The following TMEM209 variants were observed in gnomAD, a reference collection of about 807,000 sequenced individuals.
The protein encoded by TMEM209 is testicular tissue protein Li 202.
TMEM209 carries 65 observed loss-of-function variants against 76.2 expected under a neutral mutation model. The observed-to-expected ratio is 0.85, with a 90% confidence interval of 0.70 to 1.05. TMEM209 has a LOEUF of 1.05. TMEM209 is among the 50% of genes least tolerant of loss of function. The pLI is 0.00. For missense variants in TMEM209, 623 were observed against 685.5 expected, an observed-to-expected ratio of 0.91 and a Z score of 1.02; for synonymous variants, 239 against 237.6, an observed-to-expected ratio of 1.01 and a Z score of -0.06.
chr7:130,197,472 G>C (rs747313861), intron 5 of TMEM209, among the ~76,000 whole-genome samples: 19 of 152,184 alleles, frequency 1.2e-4, no homozygotes, highest in Non-Finnish European at 8.8e-5. Flanking sequence ...TGGAAAAAGA[G>C]AGTTAATTGT....
chr7:130,165,094 T>A lies in TMEM209; in HGVS notation c.*1357A>T, dbSNP rs1188254321. On this transcript the variant is annotated 3_prime_UTR_variant, in exon 15 of 15. Transcript: ENST00000397622. ...AATACATGTTAAACCATACTGCAGA[T>A]AACAAAAAATATACTTACATTTCTC... 1 of 152,166 alleles carries A rather than the reference T, an allele frequency of 6.6e-6. No individual in the cohort carries two copies. Among genetic ancestry groups the A allele is most frequent in the Non-Finnish European group, 1.5e-5 (1 of 68,014 alleles). 9.4% of individuals were successfully genotyped at this position (152,166 alleles called of 1,614,324 possible).
chr7:130,180,563 T>C (rs1246042380), intron 9 of TMEM209, among the ~76,000 whole-genome samples: 1 of 152,052 alleles, frequency 6.6e-6, no homozygotes, highest in Non-Finnish European at 1.5e-5. Context: ...AGACGGGGTT[T>C]TCACCATGTT....
At chr7:130,203,953 T>G (rs747660202) in intron 2 of TMEM209, 21 bp downstream of exon 2, 3 of 1,608,940 alleles carry the variant, frequency 1.9e-6, no homozygotes, top group South Asian at 1.1e-5. Flanking sequence ...AGTTTCACTT[T>G]TTTTGGACTG....
At chr7:130,189,456 C>T (rs1797719827) in intron 6 of TMEM209, among the ~76,000 whole-genome samples, 1 of 152,170 alleles carries the variant, frequency 6.6e-6, no homozygotes, top group East Asian at 1.9e-4. Context: ...CTCAGCCTCC[C>T]AAAGTGCTGG....
chr7:130,166,509 T>C lies in TMEM209; in HGVS notation c.1632-4A>G, dbSNP rs1405244601. On this transcript the variant is annotated splice_region_variant and splice_polypyrimidine_tract_variant and intron_variant, in intron 14 of 14. Transcript: ENST00000397622. The stretch of plus-strand genomic sequence containing the variant: ...AGATAGACCAAGATTAACTCTCCTA[T>C]AAAGAGAAAAAAAATTTTTATTAGA... 7.3e-6 allele frequency: 11 copies of C among 1,511,398 alleles called. No homozygotes were observed. The highest frequency in any genetic ancestry group is 4.0e-5 in the South Asian group (3 of 75,418). The allele number at this position is 1,511,398 out of a possible 1,614,324, so 93.6% of individuals were successfully genotyped here. A position where few individuals can be genotyped will look rare whatever the true frequency, so the allele number is the denominator to read the frequency against.
rs748111569 is a variant in TMEM209, at chr7:130,185,198, T to A, written c.945A>T (p.Ala315=). ...DEADLSSKQA[A]EEVWARVAMN... is the part of the protein sequence containing the mutation. ...ACTTTTATTTTCCACTTACCTCTTCTGCGGCTTGTTTAGAGCTGAGATCGG... is the reference window on the plus strand; with the variant it reads ...ACTTTTATTTTCCACTTACCTCTTCAGCGGCTTGTTTAGAGCTGAGATCGG... The change falls in exon 7 of 15, where the codon GCA becomes GCT. Residue 315 remains alanine, a synonymous_variant. Coordinates refer to ENST00000397622, the MANE Select transcript of TMEM209 (RefSeq NM_032842.4). 3 of 1,612,108 alleles carry A rather than the reference T, an allele frequency of 1.9e-6. No homozygotes were observed. The highest frequency in any genetic ancestry group is 1.7e-6 in the Non-Finnish European group (2 of 1,178,678).
At position 130,202,658 on chromosome 7, in the gene TMEM209, C is replaced by A; in HGVS notation, c.205G>T (p.Ala69Ser). Residue 69 changes from alanine (A) to serine (S), a missense_variant, in exon 4 of 15, where the codon GCC becomes TCC. By Grantham distance (99) the Ala-to-Ser change is moderately conservative. Transcript: ENST00000397622. ...TTAAGGCTGAAGAGAGATGCAAGGG[C>A]AAGCTCTGGAAGAGAACAATTTTTT... ...TYWPLWYIEL[A>S]LASLFSLNAL... is the part of the protein sequence containing the mutation. The A allele has an allele frequency of 3.7e-6, 6 of 1,612,242 alleles. No homozygotes were observed. The highest frequency in any genetic ancestry group is 5.1e-6 in the Non-Finnish European group (6 of 1,179,280).
intron 9 of TMEM209, among the ~76,000 whole-genome samples, chr7:130,178,924 A>G (rs1797326762): frequency 6.6e-6 from 1 of 152,082 alleles, no homozygotes; most frequent in Non-Finnish European, 1.5e-5. Context: ...GACTACAGGC[A>G]CATGCCACCA....
chr7:130,191,243 A>G (rs10282425), intron 6 of TMEM209, among the ~76,000 whole-genome samples: 38,900 of 151,230 alleles, frequency 0.26, 5,322 homozygotes, highest in East Asian at 0.39. Flanking sequence ...GATAAGTGGC[A>G]TAATTCACCA....
rs1417746257 is a variant in TMEM209, at chr7:130,165,040, C to T, written c.*1411G>A. 6.6e-6 allele frequency: 1 copy of T among 152,196 alleles called. No individual in the cohort carries two copies. The highest frequency in any genetic ancestry group is 2.4e-5 in the African/African-American group (1 of 41,456). The allele number at this position is 152,196 out of a possible 1,614,324, so 9.4% of individuals were successfully genotyped here. On this transcript the variant is annotated 3_prime_UTR_variant, in exon 15 of 15. Coordinates refer to ENST00000397622, the MANE Select transcript of TMEM209 (RefSeq NM_032842.4). ...TGGAATTTACTAATTACTGGGGATA[C>T]TTTAGTGAGTCTGCATATGTGTATT...
At chr7:130,170,260 T>G in intron 14 of TMEM209, 140 bp downstream of exon 14, 1 of 665,566 alleles carries the variant, frequency 1.5e-6, no homozygotes, top group Non-Finnish European at 2.5e-6. Context: ...ATAGCAGAGG[T>G]AGTCTGTGAC....
rs1287981136 is a variant in TMEM209, at chr7:130,192,603, T to A, written c.775+19A>T. 6.2e-7 allele frequency: 1 copy of A among 1,607,410 alleles called. No individual in the cohort carries two copies. The highest frequency in any genetic ancestry group is 2.2e-5 in the East Asian group (1 of 44,816). ...ACACCAAAAATATGTATAGTAGATA[T>A]ACAGAAATATATATGTACCCAGCTT... On this transcript the variant is annotated intron_variant, in intron 6 of 14. Transcript: ENST00000397622.
intron 6 of TMEM209, 96 bp downstream of exon 6, chr7:130,192,526 A>G (rs546372367): frequency 2.3e-5 from 24 of 1,034,402 alleles, no homozygotes; most frequent in Middle Eastern, 3.1e-4. Flanking sequence ...CTAAGCTAAT[A>G]AAGTATGTTA....
intron 5 of TMEM209, among the ~76,000 whole-genome samples, chr7:130,200,959 G>T (rs1216216571): frequency 6.6e-6 from 1 of 151,880 alleles, no homozygotes; most frequent in Non-Finnish European, 1.5e-5. Context: ...CACGGTGGTG[G>T]ACGCCTGTAG....
At chr7:130,199,531 T>C (rs1017322695) in intron 5 of TMEM209, among the ~76,000 whole-genome samples, 2 of 152,182 alleles carry the variant, frequency 1.3e-5, no homozygotes, top group African/African-American at 4.8e-5. Flanking sequence ...TCACCTTTAC[T>C]TTCTTTTGAT....
chr7:130,197,073 CA>C (rs974026139), intron 5 of TMEM209, among the ~76,000 whole-genome samples: 30 of 152,098 alleles, frequency 2.0e-4, no homozygotes, highest in African/African-American at 7.2e-4. Context: ...CCAAAACAAA[CA>C]AACACCACAC....
intron 5 of TMEM209, chr7:130,199,742 G>T (rs1042271772): frequency 6.6e-6 from 1 of 151,988 alleles, no homozygotes; most frequent in Admixed American, 6.6e-5. Flanking sequence ...ATATTTTGGT[G>T]GTGTCACTTC....
At chr7:130,177,776 T>C (rs1337905669) in intron 10 of TMEM209, among the ~76,000 whole-genome samples, 2 of 152,146 alleles carry the variant, frequency 1.3e-5, no homozygotes, top group East Asian at 1.9e-4. Flanking sequence ...TATAAAATGT[T>C]TTAAAAAGTC....
At chr7:130,204,966 C>T in intron 1 of TMEM209, 1 of 1,103,064 alleles carries the variant, frequency 9.1e-7, no homozygotes. Flanking sequence ...AGGGCACGTA[C>T]TTATGATGGG....
Sources: allele counts gnomAD v4.1 joint callset (sites outside exome capture counted in the v4.1 genomes callset), GRCh38; gene constraint gnomAD v4.1.1; transcripts MANE v1.5; gene names NCBI Gene and HGNC (gene_info 2026-07-23, HGNC 2026-07-21).